ETHE1: variants seen among roughly 807,000 people sequenced by gnomAD.
ETHE1 encodes the protein ETHE1 persulfide dioxygenase, also known as persulfide dioxygenase ETHE1, mitochondrial.
Under a neutral mutation model 25.7 loss-of-function variants are expected in ETHE1, and 16 were observed. The ratio of observed to expected loss-of-function variants is 0.62; its 90% CI spans 0.42 to 0.95. ETHE1 has a LOEUF of 0.95. Ranked by LOEUF, ETHE1 falls within the 40% of genes least tolerant of loss-of-function variation. The pLI is 0.00. For missense variants in ETHE1, 300 were observed against 333.6 expected, an observed-to-expected ratio of 0.90 and a Z score of 0.79; for synonymous variants, 139 against 135.9, an observed-to-expected ratio of 1.02 and a Z score of -0.16.
In ETHE1 at chr19:43,511,460, C is replaced by T. The variant is rs1555762722; in HGVS notation, c.482G>A (p.Cys161Tyr). ...ACCTTGCTGGAAGTCTGTCCGCCCA[C>T]ACCCACGGATCAACAGGGCATCTCC... is the stretch of plus-strand genomic sequence containing the variant. ...FTGDALLIRG[C>Y]GRTDFQQGCA... The change falls in exon 4 of 7, where the codon TGT (cysteine) becomes TAT (tyrosine). Residue 161 changes from cysteine to tyrosine, a missense_variant. Cys to Tyr is a radical substitution (Grantham distance 194). Coordinates refer to ENST00000292147, the MANE Select transcript of ETHE1 (RefSeq NM_014297.5). The T allele has an allele frequency of 1.2e-6, 2 of 1,614,198 alleles. No homozygotes were observed. The highest frequency in any genetic ancestry group is 1.7e-6 in the Non-Finnish European group (2 of 1,180,032).
rs770508697 is a variant in ETHE1 at position 43,526,205 on chromosome 19, C to A, written c.371G>T (p.Arg124Leu). 6.6e-5 allele frequency: 106 copies of A among 1,613,992 alleles called. No homozygotes were observed. The highest frequency in any genetic ancestry group is 8.8e-5 in the Non-Finnish European group (104 of 1,180,030). The change falls in exon 3 of 7, where the codon CGC (arginine) becomes CTC (leucine). Residue 124 changes from arginine (R) to leucine (L), a missense_variant. Physicochemically the swap from Arg to Leu is moderately radical, Grantham distance 102. Coordinates refer to ENST00000292147, the MANE Select transcript of ETHE1 (RefSeq NM_014297.5). ...IEDGDSIRFG[R>L]FALETRASPG... ...GGGACCCAGCACCCAACTCACGAAG[C>A]GCCCGAAGCGGATGGAGTCTCCATC...
Position 43,513,381 on chromosome 19 carries a change from C to T in ETHE1, c.376-1815G>A, listed in dbSNP as rs545194170. 1.8e-3 allele frequency among the ~76,000 whole-genome samples: 274 copies of T among 152,142 alleles called. 1 individual carries two copies. The highest frequency in any genetic ancestry group is 0.01 in the Middle Eastern group (3 of 294). ...AAGCCACAGATACTCCACACCAGCC[C>T]GTGAAAGCAGCCAGGAGTGGGGCTG... On this transcript the variant is annotated intron_variant, in intron 3 of 6. Coordinates refer to ENST00000292147, the MANE Select transcript of ETHE1 (RefSeq NM_014297.5).
intron 4 of ETHE1, among the ~76,000 whole-genome samples, chr19:43,509,968 T>C (rs1971877074): frequency 6.6e-6 from 1 of 152,212 alleles, no homozygotes; most frequent in Admixed American, 6.5e-5. Flanking sequence ...GTACTGTGAA[T>C]GGATAAATGG....
intron 3 of ETHE1, among the ~76,000 whole-genome samples, chr19:43,520,796 A>T (rs1365908538): frequency 2.0e-5 from 3 of 152,154 alleles, no homozygotes; most frequent in Non-Finnish European, 4.4e-5. Flanking sequence ...CAATGTTAAA[A>T]GGAGGAAGTA....
At chr19:43,514,485 C>CTTTTTTTTTT (rs767043458) in intron 3 of ETHE1, among the ~76,000 whole-genome samples, 2 of 113,252 alleles carry the variant, frequency 1.8e-5, no homozygotes, top group East Asian at 2.6e-4. Flanking sequence ...TTGGGTATGT[C>CTTTTTTTTTT]TTTTTTTTTT....
intron 3 of ETHE1, among the ~76,000 whole-genome samples, chr19:43,513,345 T>C (rs1971956297): frequency 6.6e-6 from 1 of 150,526 alleles, no homozygotes; most frequent in Non-Finnish European, 1.5e-5. Flanking sequence ...GCTTGCACCA[T>C]GTGCCTGGAA....
At chr19:43,507,373 C>T (rs1290973619) in intron 6 of ETHE1, among the ~76,000 whole-genome samples, 2 of 91,124 alleles carry the variant, frequency 2.2e-5, no homozygotes, top group Non-Finnish European at 4.6e-5. Flanking sequence ...TCCCTCAGAC[C>T]CAGGAGTCCA....
At chr19:43,527,001 G>T (rs2146020953) in intron 1 of ETHE1, 96 bp downstream of exon 1, 2 of 1,535,498 alleles carry the variant, frequency 1.3e-6, no homozygotes, top group Non-Finnish European at 1.7e-6. Context: ...GCAGGCGTGG[G>T]TCCCCCCGGA....
chr19:43,517,426 G>A (rs1462893720), intron 3 of ETHE1, among the ~76,000 whole-genome samples: 1 of 5,184 alleles, frequency 1.9e-4, no homozygotes, highest in African/African-American at 7.8e-4. Context: ...GATTACTTGA[G>A]GTCAGGAATT....
chr19:43,522,204 T>G (rs1382785123), intron 3 of ETHE1, among the ~76,000 whole-genome samples: 1 of 152,212 alleles, frequency 6.6e-6, no homozygotes, highest in East Asian at 1.9e-4. Flanking sequence ...GGAGGGTTGC[T>G]TGAGGCCTGG....
intron 6 of ETHE1, 40 bp downstream of exon 6, chr19:43,507,904 C>G: frequency 5.6e-6 from 9 of 1,604,278 alleles, no homozygotes; most frequent in Non-Finnish European, 7.7e-6. Context: ...CCCAGCCCCT[C>G]CTCTCTCAGA....
rs576010813 is a variant in ETHE1 at position 43,520,616 on chromosome 19, G to A, written c.375+5585C>T. On this transcript the variant is annotated intron_variant, in intron 3 of 6. Transcript: ENST00000292147. The stretch of plus-strand genomic sequence containing the variant: ...TTTGGAAGCCTGAGGCAGGAGGATC[G>A]CTTGAGCCAGGAGGTTGAGGCTGCA... 1.7e-3 allele frequency among the ~76,000 whole-genome samples: 253 copies of A among 151,710 alleles called. 1 individual carries two copies. The highest frequency in any genetic ancestry group is 5.9e-3 in the African/African-American group (243 of 41,332).
rs1179373672 is a variant in ETHE1, at chr19:43,526,258, A to G, written c.318T>C (p.Ser106=). The G allele has an allele frequency of 6.2e-7, 1 of 1,614,064 alleles. No homozygotes were observed. Among genetic ancestry groups the G allele is most frequent in the Non-Finnish European group, 8.5e-7 (1 of 1,180,034 alleles). ...PGCQSVISRL[S]GAQADLHIED... is the part of the protein sequence containing the mutation. Reference sequence around the variant, plus strand: ...CAATGTGTAAGTCAGCCTGGGCCCCACTAAGGCGGGAGATGACAGACTGGC... The same window carrying G: ...CAATGTGTAAGTCAGCCTGGGCCCCGCTAAGGCGGGAGATGACAGACTGGC... The change falls in exon 3 of 7, where the codon AGT becomes AGC. Residue 106 remains serine, a synonymous_variant. Transcript: ENST00000292147.
rs775670337 is a variant in ETHE1 at position 43,508,625 on chromosome 19, G to T, written c.595+150C>A. ...CCCAAAGTGCTAGGATTACAAGTGTGAGCCCCCTTGCCCAGCCTCAAACAC... is the reference window on the plus strand; with the variant it reads ...CCCAAAGTGCTAGGATTACAAGTGTTAGCCCCCTTGCCCAGCCTCAAACAC... On this transcript the variant is annotated intron_variant, in intron 5 of 6. Coordinates refer to ENST00000292147, the MANE Select transcript of ETHE1 (RefSeq NM_014297.5). 181 of 733,476 alleles carry T rather than the reference G, an allele frequency of 2.5e-4. No individual in the cohort carries two copies. In the Middle Eastern group the frequency reaches 5.7e-3, roughly 23 times the overall value. The allele number at this position is 733,476 out of a possible 1,614,324, so 45.4% of individuals were successfully genotyped here.
intron 6 of ETHE1, 150 bp from the exon 7 acceptor site, chr19:43,507,052 T>TCCCCC: frequency 1.4e-6 from 1 of 730,612 alleles, no homozygotes; most frequent in Non-Finnish European, 2.3e-6. Context: ...AGGAGTCCAG[T>TCCCCC]ACCCCAGCCC....
chr19:43,518,999 G>GTT lies in ETHE1; in HGVS notation c.375+7200_375+7201dup, dbSNP rs71169253. Among the ~76,000 whole-genome samples, 567 of 90,966 alleles carry GTT rather than the reference G, an allele frequency of 6.2e-3. 94 individuals carry two copies. The highest frequency in any genetic ancestry group is 0.023 in the Middle Eastern group (3 of 132). The allele number at this position is 90,966 out of a possible 152,430, so 59.7% of individuals were successfully genotyped here. ...CTGATGGCTGATGAAATTTGTGCTT[G>GTT]TTTTTTTTTTTTTTTTTTTTTTTTT... is the stretch of plus-strand genomic sequence containing the variant. On this transcript the variant is annotated intron_variant, in intron 3 of 6. Transcript: ENST00000292147.
intron 3 of ETHE1, 78 bp downstream of exon 3, chr19:43,526,123 C>G: frequency 6.2e-7 from 1 of 1,606,124 alleles, no homozygotes; most frequent in Non-Finnish European, 8.5e-7. Context: ...CTCAGGATCC[C>G]AGGCCCCCAG....
chr19:43,518,056 G>C (rs996600095), intron 3 of ETHE1, among the ~76,000 whole-genome samples: 6 of 150,162 alleles, frequency 4.0e-5, no homozygotes, highest in African/African-American at 1.2e-4. Context: ...ATATGAAACT[G>C]TTCTAGATCC....
At chr19:43,526,829 CAA>C (rs2146020491) in intron 1 of ETHE1, 170 bp from the exon 2 acceptor site, 5 of 1,493,172 alleles carry the variant, frequency 3.3e-6, no homozygotes, top group African/African-American at 1.4e-5. Context: ...CCTATCAGAA[CAA>C]AAGAGTTCCA....
Sources: allele counts gnomAD v4.1 joint callset (sites outside exome capture counted in the v4.1 genomes callset), GRCh38; gene constraint gnomAD v4.1.1; transcripts MANE v1.5; gene names NCBI Gene and HGNC (gene_info 2026-07-23, HGNC 2026-07-21).